The following NDST3 variants were observed in gnomAD, a reference collection of about 807,000 sequenced individuals.
NDST3 encodes bifunctional heparan sulfate N-deacetylase/N-sulfotransferase 3.
NDST3 carries 58 observed loss-of-function variants against 96.1 expected under a neutral mutation model. The ratio of observed to expected loss-of-function variants is 0.60; its 90% CI spans 0.49 to 0.75. The LOEUF (loss-of-function observed/expected upper bound fraction) is 0.75, where lower values mean the gene tolerates loss of function less well. Among genes scored for constraint, NDST3 ranks in the 30% least tolerant of loss-of-function variants. The probability of loss-of-function intolerance (pLI) is 0.00; values close to 1 mark genes in which losing one functional copy is unlikely to be tolerated. For synonymous variants in NDST3, 333 were observed against 359.7 expected (o/e 0.93, Z 0.84); for missense variants, 788 against 1,034.2 (o/e 0.76, Z 3.27).
chr4:118,186,339 T>C (rs1009026454), intron 6 of NDST3, among the ~76,000 whole-genome samples: 3 of 152,276 alleles, frequency 2.0e-5, no homozygotes, highest in Admixed American at 6.5e-5. Flanking sequence ...GGGACAGAAC[T>C]AATAAGATAG....
chr4:118,102,634 G>A (rs1729857595), intron 2 of NDST3, among the ~76,000 whole-genome samples: 1 of 151,996 alleles, frequency 6.6e-6, no homozygotes, highest in African/African-American at 2.4e-5. Context: ...TTAGTGAAAA[G>A]GATATGACCT....
intron 6 of NDST3, among the ~76,000 whole-genome samples, chr4:118,179,412 A>T (rs1736463653): frequency 6.6e-6 from 1 of 152,034 alleles, no homozygotes; most frequent in Non-Finnish European, 1.5e-5. Flanking sequence ...AGGTTTTTTT[A>T]ATTAAATTAG....
intron 4 of NDST3, among the ~76,000 whole-genome samples, chr4:118,123,782 A>G (rs894471846): frequency 2.6e-5 from 4 of 152,162 alleles, no homozygotes; most frequent in Non-Finnish European, 4.4e-5. Context: ...CAACATGCTC[A>G]GTTAAATGAA....
At chr4:118,191,981 A>C (rs1737336793) in intron 6 of NDST3, among the ~76,000 whole-genome samples, 1 of 152,174 alleles carries the variant, frequency 6.6e-6, no homozygotes, top group Admixed American at 6.5e-5. Context: ...AGCCATTTTA[A>C]CTAGGGTCAG....
chr4:118,058,636 C>T (rs376440195), intron 2 of NDST3, among the ~76,000 whole-genome samples: 341 of 7,364 alleles, frequency 0.046, 1 homozygote, highest in South Asian at 0.1. Context: ...TGTGTGTGTG[C>T]GCGCGCGCGC....
At chr4:118,176,110 G>A (rs778556409) in intron 6 of NDST3, among the ~76,000 whole-genome samples, 2 of 151,354 alleles carry the variant, frequency 1.3e-5, no homozygotes, top group Admixed American at 6.6e-5. Context: ...TGTACTCCTC[G>A]AATATCTAAT....
Position 118,115,041 on chromosome 4 carries a change from C to A in NDST3, c.1224+81C>A, listed in dbSNP as rs937507157. 7 of 1,448,504 alleles carry A rather than the reference C, an allele frequency of 4.8e-6. No homozygotes were observed. The South Asian group carries it at 7.7e-5, about 16-fold the overall frequency. 89.7% of individuals were successfully genotyped at this position (1,448,504 alleles called of 1,614,324 possible). A position where few individuals can be genotyped will look rare whatever the true frequency, so the allele number is the denominator to read the frequency against. ...AGATTCTTACATTGTGGCATAGTTGCGCTTTTCAGTGGCTTTTCCATATGA... is the reference window on the plus strand; with the variant it reads ...AGATTCTTACATTGTGGCATAGTTGAGCTTTTCAGTGGCTTTTCCATATGA... On this transcript the variant is annotated intron_variant, in intron 4 of 13. Coordinates refer to ENST00000296499, the MANE Select transcript of NDST3 (RefSeq NM_004784.3).
At chr4:118,135,386 A>T (rs1229096048) in intron 4 of NDST3, among the ~76,000 whole-genome samples, 1 of 152,208 alleles carries the variant, frequency 6.6e-6, no homozygotes, top group African/African-American at 2.4e-5. Flanking sequence ...GTGGCCCAGT[A>T]GTTTCATAAT....
At chr4:118,167,319 A>T (rs564828647) in intron 6 of NDST3, among the ~76,000 whole-genome samples, 41 of 152,048 alleles carry the variant, frequency 2.7e-4, no homozygotes, top group African/African-American at 9.9e-4. Flanking sequence ...TAATAGCATA[A>T]AAAAGAATAA....
chr4:118,210,129 G>C (rs1032789130), intron 6 of NDST3, among the ~76,000 whole-genome samples: 1 of 152,068 alleles, frequency 6.6e-6, no homozygotes, highest in Non-Finnish European at 1.5e-5. Flanking sequence ...GAGGATTTTT[G>C]GAAAGAGTTG....
intron 2 of NDST3, among the ~76,000 whole-genome samples, chr4:118,059,590 T>C (rs1288615957): frequency 6.6e-6 from 1 of 152,056 alleles, no homozygotes; most frequent in Non-Finnish European, 1.5e-5. Flanking sequence ...GAAGCTCTAA[T>C]TGGAATGTAA....
At chr4:118,234,239 C>T (rs925355874) in intron 9 of NDST3, among the ~76,000 whole-genome samples, 1 of 151,964 alleles carries the variant, frequency 6.6e-6, no homozygotes, top group African/African-American at 2.4e-5. Context: ...TAGCAAGACC[C>T]CATCTCTAAC....
intron 2 of NDST3, among the ~76,000 whole-genome samples, chr4:118,084,115 C>T (rs923128699): frequency 9.2e-5 from 14 of 152,062 alleles, no homozygotes; most frequent in African/African-American, 2.9e-4. Flanking sequence ...AGATATGTAG[C>T]ATGAACAAGT....
chr4:118,142,071 T>C (rs1477559098), intron 5 of NDST3, among the ~76,000 whole-genome samples: 1 of 152,188 alleles, frequency 6.6e-6, no homozygotes, highest in Non-Finnish European at 1.5e-5. Flanking sequence ...ACATTTATAA[T>C]AGTTGTTAGG....
intron 9 of NDST3, among the ~76,000 whole-genome samples, chr4:118,236,790 C>T (rs1740674951): frequency 6.6e-6 from 1 of 152,122 alleles, no homozygotes. Context: ...CACTCTGTGT[C>T]TACATTTTTG....
At position 118,240,558 on chromosome 4, in the gene NDST3, A is replaced by T. The variant is rs2126006155; in HGVS notation, c.2153A>T (p.Lys718Met). 1 of 1,613,334 alleles carries T rather than the reference A, an allele frequency of 6.2e-7. No individual in the cohort carries two copies. Among genetic ancestry groups the T allele is most frequent in the South Asian group, 1.1e-5 (1 of 90,976 alleles). Residue 718 changes from lysine (K) to methionine (M), a missense_variant, in exon 11 of 14, where the codon AAG becomes ATG. Around this residue, in one of 3 missense-constraint regions of NDST3, gnomAD observed 490 missense variants for 708.8 expected, o/e 0.69. Coordinates refer to ENST00000296499, the MANE Select transcript of NDST3 (RefSeq NM_004784.3). ...TCACATGAAGACCCTGCAGCTCTGA[A>T]GTTTAGCTTCTACGAAGTGATCTCA... is the stretch of plus-strand genomic sequence containing the variant. The part of the protein sequence containing the change: ...QRSHEDPAAL[K>M]FSFYEVISAG...
chr4:118,139,013 G>A (rs1296792947), intron 5 of NDST3, among the ~76,000 whole-genome samples: 2 of 152,166 alleles, frequency 1.3e-5, no homozygotes, highest in African/African-American at 4.8e-5. Context: ...GAACTGATAT[G>A]TCTGAAGAGA....
chr4:118,193,141 A>G (rs1022906952), intron 6 of NDST3, among the ~76,000 whole-genome samples: 1 of 152,068 alleles, frequency 6.6e-6, no homozygotes, highest in African/African-American at 2.4e-5. Context: ...AGCAAAATAA[A>G]TTAACACTCT....
At chr4:118,034,343 A>G (rs1397086922), upstream of NDST3, 2 of 152,164 alleles carry the variant, frequency 1.3e-5, no homozygotes, top group African/African-American at 4.8e-5. Flanking sequence ...GTGGTACCAA[A>G]GCCGGTCCCT....
Sources: allele counts gnomAD v4.1 joint callset (sites outside exome capture counted in the v4.1 genomes callset), GRCh38; gene constraint gnomAD v4.1.1; regional missense constraint gnomAD v4.1.1; transcripts MANE v1.5; gene names NCBI Gene and HGNC (gene_info 2026-07-23, HGNC 2026-07-21).